Variants in SMTN observed in about 807,000 individuals in gnomAD.
The protein encoded by SMTN is smoothelin.
A neutral mutation model predicts 102.0 loss-of-function variants in SMTN; 58 were observed. That is an observed-to-expected ratio of 0.57 (90% CI 0.46 to 0.71). SMTN has a LOEUF of 0.71. Among genes scored for constraint, SMTN ranks in the 30% least tolerant of loss-of-function variants. SMTN has a pLI of 0.00. For missense variants in SMTN, 1,185 were observed against 1,241.7 expected, an observed-to-expected ratio of 0.95 and a Z score of 0.69; for synonymous variants, 478 against 497.9, an observed-to-expected ratio of 0.96 and a Z score of 0.53.
chr22:31,097,645 A>C (rs542374711), intron 16 of SMTN, among the ~76,000 whole-genome samples: 3 of 152,172 alleles, frequency 2.0e-5, no homozygotes. Context: ...CGGAGGTTGC[A>C]GTGAGCTGAG....
chr22:31,084,897 GC>G, intron 2 of SMTN: 1 of 1,225,090 alleles, frequency 8.2e-7, no homozygotes, highest in Non-Finnish European at 1.1e-6. Flanking sequence ...GCCCCCGCTG[GC>G]CTCGTGGCAA....
intron 2 of SMTN, chr22:31,085,296 G>A (rs1428871268): frequency 6.7e-7 from 1 of 1,492,728 alleles, no homozygotes. Context: ...GGCAGGGTGG[G>A]CGAGGCGAGG....
intron 1 of SMTN, among the ~76,000 whole-genome samples, chr22:31,072,584 C>G (rs2042029373): frequency 6.6e-6 from 1 of 152,156 alleles, no homozygotes; most frequent in Non-Finnish European, 1.5e-5. Context: ...GCCTCAGCCT[C>G]CCAAGTAGCT....
At chr22:31,080,691 A>G (rs986780581), upstream of SMTN, 2 of 152,224 alleles carry the variant, frequency 1.3e-5, no homozygotes, top group African/African-American at 2.4e-5. Flanking sequence ...CAGCGCTCCT[A>G]AAGGCAGACT....
intron 1 of SMTN, among the ~76,000 whole-genome samples, chr22:31,072,597 G>A (rs1202099883): frequency 3.3e-5 from 5 of 152,072 alleles, no homozygotes; most frequent in Non-Finnish European, 5.9e-5. Flanking sequence ...AAGTAGCTGG[G>A]ATTACAGGTG....
chr22:31,091,542 G>T (rs1301873104), intron 10 of SMTN, 60 bp downstream of exon 10: 2 of 1,512,610 alleles, frequency 1.3e-6, no homozygotes, highest in Non-Finnish European at 8.8e-7. Flanking sequence ...ACTTCTGCAT[G>T]CAGGACAGGT....
intron 6 of SMTN, 105 bp downstream of exon 6, chr22:31,089,074 A>C (rs1602619686): frequency 2.8e-5 from 25 of 891,548 alleles, no homozygotes. Flanking sequence ...TAAGGGGCCC[A>C]CCCCTGCCAT....
chr22:31,093,958 T>C lies in SMTN; in HGVS notation c.1633-1345T>C, dbSNP rs2043358565. On this transcript the variant is annotated intron_variant, in intron 11 of 20. Transcript: ENST00000333137. ...TGACTTTAGGTATGTCACCACCTTCTCTGAGCCTCAGTTTATCTATCTTGA... is the reference window on the plus strand; with the variant it reads ...TGACTTTAGGTATGTCACCACCTTCCCTGAGCCTCAGTTTATCTATCTTGA... 6.6e-6 allele frequency: 6 copies of C among 914,122 alleles called. 1 individual carries two copies. In the South Asian group the frequency reaches 8.4e-5, roughly 13 times the overall value. The allele number at this position is 914,122 out of a possible 1,614,324, so 56.6% of individuals were successfully genotyped here.
chr22:31,096,730 C>T lies in SMTN; in HGVS notation c.1862-3C>T, dbSNP rs113335380. ...GCGCATGCATGGGGCATCCCCTGCC[C>T]AGACCAGCGGGACAAGGAGCGGGAA... is the stretch of plus-strand genomic sequence containing the variant. On this transcript the variant is annotated splice_region_variant and splice_polypyrimidine_tract_variant and intron_variant, in intron 13 of 20. Coordinates refer to ENST00000333137, the MANE Select transcript of SMTN (RefSeq NM_134269.3). 11 of 1,544,434 alleles carry T rather than the reference C, an allele frequency of 7.1e-6. No individual in the cohort carries two copies. The highest frequency in any genetic ancestry group is 1.4e-5 in the African/African-American group (1 of 73,268).
intron 16 of SMTN, among the ~76,000 whole-genome samples, chr22:31,097,754 CAG>C (rs2043720957): frequency 7.5e-6 from 1 of 133,072 alleles, no homozygotes; most frequent in Non-Finnish European, 1.6e-5. Context: ...ATAAATAAAA[CAG>C]AGGGGTAGAC....
At chr22:31,069,427 A>T (rs915864740) in intron 1 of SMTN, among the ~76,000 whole-genome samples, 2 of 152,146 alleles carry the variant, frequency 1.3e-5, no homozygotes, top group African/African-American at 4.8e-5. Flanking sequence ...GCAAAGAGAC[A>T]CAAGATGGGG....
At chr22:31,084,342 G>A (rs944682675) in intron 2 of SMTN, among the ~76,000 whole-genome samples, 1 of 152,188 alleles carries the variant, frequency 6.6e-6, no homozygotes, top group African/African-American at 2.4e-5. Context: ...ACCTTCCCCC[G>A]CAGGCAGAGG....
chr22:31,075,736 G>A (rs2042113462), intron 1 of SMTN, among the ~76,000 whole-genome samples: 1 of 151,676 alleles, frequency 6.6e-6, no homozygotes, highest in Non-Finnish European at 1.5e-5. Context: ...TGAGGAATAA[G>A]TAAGTTACTG....
intron 6 of SMTN, 96 bp from the exon 7 acceptor site, chr22:31,089,603 T>A (rs1052557249): frequency 8.5e-7 from 1 of 1,178,032 alleles, no homozygotes; most frequent in African/African-American, 1.5e-5. Context: ...CTGCTTTGCA[T>A]GCCCTGCCCT....
chr22:31,089,101 A>T, intron 6 of SMTN, 132 bp downstream of exon 6: 1 of 716,052 alleles, frequency 1.4e-6, no homozygotes, highest in Non-Finnish European at 2.3e-6. Flanking sequence ...TCTATTTAGC[A>T]GTCAGAGGGA....
chr22:31,090,206 C>T, intron 8 of SMTN, 26 bp downstream of exon 8: 1 of 1,572,938 alleles, frequency 6.4e-7, no homozygotes, highest in Non-Finnish European at 8.6e-7. Context: ...GGGGTAGTCA[C>T]AGGCATCTTT....
intron 1 of SMTN, among the ~76,000 whole-genome samples, chr22:31,075,471 A>G (rs2042106363): frequency 6.6e-6 from 1 of 152,128 alleles, no homozygotes; most frequent in South Asian, 2.1e-4. Flanking sequence ...ACCTCAGTTC[A>G]GGAGTTCAAG....
At chr22:31,098,502 C>G (rs1430722202) in intron 16 of SMTN, among the ~76,000 whole-genome samples, 165 bp from the exon 17 acceptor site, 1 of 152,120 alleles carries the variant, frequency 6.6e-6, no homozygotes, top group African/African-American at 2.4e-5. Context: ...ACTCAGTGTA[C>G]TCCTCTAAAA....
At chr22:31,096,422 A>G in intron 13 of SMTN, 1 of 288,518 alleles carries the variant, frequency 3.5e-6, no homozygotes, top group Non-Finnish European at 6.4e-6. Context: ...CACTAGATCT[A>G]GATACCCCTC....
Sources: gnomAD v4.1 joint callset for allele counts (sites outside exome capture counted in the v4.1 genomes callset) on GRCh38, gnomAD v4.1.1 for gene constraint, MANE v1.5 for transcripts, NCBI Gene and HGNC (gene_info 2026-07-23, HGNC 2026-07-21) for gene names.